The following TTC7A variants were observed in gnomAD, a reference collection of about 807,000 sequenced individuals.
The protein encoded by TTC7A is tetratricopeptide repeat protein 7A.
Under a neutral mutation model 103.7 loss-of-function variants are expected in TTC7A, and 110 were observed. The observed-to-expected ratio is 1.06, with a 90% confidence interval of 0.91 to 1.24. The LOEUF is 1.24. TTC7A is among the 50% of genes most tolerant of loss of function. The pLI is 0.00. For synonymous variants in TTC7A, 521 were observed against 467.9 expected, an observed-to-expected ratio of 1.11 and a Z score of -1.47; for missense variants, 1,340 against 1,116.3, an observed-to-expected ratio of 1.20 and a Z score of -2.86.
intron 5 of TTC7A, among the ~76,000 whole-genome samples, chr2:46,991,511 A>C (rs1007374840): frequency 1.3e-5 from 2 of 152,082 alleles, no homozygotes; most frequent in Non-Finnish European, 2.9e-5. Context: ...TGGGACAAGT[A>C]CTTCTAGTGA....
At chr2:47,025,832 A>C in intron 14 of TTC7A, among the ~76,000 whole-genome samples, 1 of 149,908 alleles carries the variant, frequency 6.7e-6, no homozygotes, top group Non-Finnish European at 1.5e-5. Context: ...CTCACTCCTG[A>C]CCCCAGGTCC....
chr2:46,945,928 C>T (rs1173926135), intron 1 of TTC7A, among the ~76,000 whole-genome samples: 3 of 152,166 alleles, frequency 2.0e-5, no homozygotes, highest in East Asian at 1.9e-4. Context: ...TTTGCCCCAG[C>T]GGGGAAGGGC....
chr2:46,983,446 G>C (rs958847524), intron 5 of TTC7A, among the ~76,000 whole-genome samples: 1 of 152,168 alleles, frequency 6.6e-6, no homozygotes, highest in Non-Finnish European at 1.5e-5. Flanking sequence ...ACTCCCCCAC[G>C]GCTGCTGCTT....
chr2:47,011,581 G>A (rs1678058955), intron 11 of TTC7A, 146 bp downstream of exon 11: 1 of 642,094 alleles, frequency 1.6e-6, no homozygotes, highest in Non-Finnish European at 2.6e-6. Context: ...TGGGCAGGGA[G>A]AAAGTCTCTG....
At chr2:47,057,602 A>G (rs546401975) in intron 18 of TTC7A, among the ~76,000 whole-genome samples, 29 of 152,232 alleles carry the variant, frequency 1.9e-4, no homozygotes, top group African/African-American at 7.0e-4. Flanking sequence ...GGGAGTGGGG[A>G]GCTTGACTCC....
intron 2 of TTC7A, among the ~76,000 whole-genome samples, chr2:46,931,982 A>T (rs1669730491): frequency 6.6e-6 from 1 of 152,222 alleles, no homozygotes; most frequent in Admixed American, 6.5e-5. Context: ...CACCATATTA[A>T]TGGATCTAAG....
chr2:47,015,342 TCA>T (rs1301818196), intron 11 of TTC7A, among the ~76,000 whole-genome samples: 1 of 152,250 alleles, frequency 6.6e-6, no homozygotes, highest in Admixed American at 6.5e-5. Flanking sequence ...ATGTGTGGTG[TCA>T]CACAGACAGC....
intron 18 of TTC7A, among the ~76,000 whole-genome samples, chr2:47,060,341 G>A (rs1030692358): frequency 6.6e-6 from 1 of 152,034 alleles, no homozygotes; most frequent in Non-Finnish European, 1.5e-5. Context: ...CTGCACTGCA[G>A]CCTGGACAAC....
intron 2 of TTC7A, among the ~76,000 whole-genome samples, chr2:46,952,470 C>T (rs1671499313): frequency 6.6e-6 from 1 of 151,952 alleles, no homozygotes; most frequent in African/African-American, 2.4e-5. Flanking sequence ...AATAAAAGTC[C>T]CAGCTGGCCT....
rs767965414 is a variant in TTC7A at position 47,024,345 on chromosome 2, GC to G, written c.1630del (p.Leu544SerfsTer16). On this transcript the variant is annotated frameshift_variant, in exon 14 of 20. Transcript: ENST00000319190. LOFTEE classifies it high-confidence loss of function. Reference sequence around the variant, plus strand: ...CATCCTCTATGTCTCGCTGCAGCTGGCCCTCGTCCGACAGGTGGGTTGTCCG... The same window carrying G: ...CATCCTCTATGTCTCGCTGCAGCTGGCCTCGTCCGACAGGTGGGTTGTCCG... ...QVILYVSLQLALVRQISSAME... is the reference protein window; with the variant it reads ...QVILYVSLQLXLVRQISSAME... 1.2e-6 allele frequency: 2 copies of G among 1,606,172 alleles called. No homozygotes were observed. The highest frequency in any genetic ancestry group is 4.6e-5 in the East Asian group (2 of 43,478).
chr2:46,973,055 A>C (rs1673511413), intron 3 of TTC7A, among the ~76,000 whole-genome samples: 1 of 150,788 alleles, frequency 6.6e-6, no homozygotes, highest in South Asian at 2.1e-4. Context: ...TCTTTTTCCT[A>C]GTCATGGGCT....
At chr2:47,042,458 C>T (rs1349225340) in intron 15 of TTC7A, among the ~76,000 whole-genome samples, 6 of 151,964 alleles carry the variant, frequency 3.9e-5, no homozygotes, top group African/African-American at 9.7e-5. Flanking sequence ...GCTATGATCA[C>T]GTCACTGCAC....
chr2:46,948,137 C>T (rs1384347793), intron 1 of TTC7A, among the ~76,000 whole-genome samples: 1 of 152,196 alleles, frequency 6.6e-6, no homozygotes, highest in Admixed American at 6.5e-5. Context: ...GGCACGGAGT[C>T]CTGCCAGTGC....
At position 46,961,501 on chromosome 2, in the gene TTC7A, C is replaced by T. The variant is rs191635629; in HGVS notation, c.517+4494C>T. Among the ~76,000 whole-genome samples, 1,162 of 151,638 alleles carry T rather than the reference C, an allele frequency of 7.7e-3. 12 individuals are homozygous for T. The highest frequency in any genetic ancestry group is 0.027 in the African/African-American group (1,101 of 41,316). On this transcript the variant is annotated intron_variant, in intron 3 of 19. Transcript: ENST00000319190. Reference sequence around the variant, plus strand: ...CTGAGGCAGGAGAATGGCATGAACCCGGGAGGCGGAGCTTGCAGTGAGCCG... The same window carrying T: ...CTGAGGCAGGAGAATGGCATGAACCTGGGAGGCGGAGCTTGCAGTGAGCCG...
intron 10 of TTC7A, among the ~76,000 whole-genome samples, chr2:47,010,952 G>A (rs769734049): frequency 2.0e-5 from 3 of 152,074 alleles, no homozygotes; most frequent in Non-Finnish European, 4.4e-5. Context: ...TGCCTGCCTC[G>A]GTCTCCCAAA....
intron 8 of TTC7A, among the ~76,000 whole-genome samples, chr2:47,003,273 G>A (rs1302603826): frequency 5.9e-5 from 9 of 152,144 alleles, no homozygotes; most frequent in Admixed American, 5.9e-4. Flanking sequence ...CCAGACGGGG[G>A]CATGTGAGCT....
intron 15 of TTC7A, among the ~76,000 whole-genome samples, chr2:47,042,947 C>G (rs891779539): frequency 1.3e-5 from 2 of 152,204 alleles, no homozygotes; most frequent in Non-Finnish European, 2.9e-5. Flanking sequence ...CTGCCAGCAG[C>G]CTCCCCCCAG....
chr2:47,049,162 C>G (rs1224395584), intron 16 of TTC7A, among the ~76,000 whole-genome samples: 1 of 152,178 alleles, frequency 6.6e-6, no homozygotes, highest in Non-Finnish European at 1.5e-5. Flanking sequence ...CTGCCTCCTC[C>G]TCTCCTGTGC....
chr2:47,030,532 T>A (rs950902287), intron 15 of TTC7A, among the ~76,000 whole-genome samples: 2 of 152,170 alleles, frequency 1.3e-5, no homozygotes, highest in Non-Finnish European at 2.9e-5. Context: ...TAAAGAAAGG[T>A]GCTTTGGGAG....
Sources: allele counts gnomAD v4.1 joint callset (sites outside exome capture counted in the v4.1 genomes callset), GRCh38; gene constraint gnomAD v4.1.1; transcripts MANE v1.5; gene names NCBI Gene and HGNC (gene_info 2026-07-23, HGNC 2026-07-21).